The following SHROOM3 variants were observed in gnomAD, a reference collection of about 807,000 sequenced individuals.
SHROOM3 encodes the protein protein Shroom3.
SHROOM3 carries 47 observed loss-of-function variants against 138.6 expected under a neutral mutation model. That is an observed-to-expected ratio of 0.34 (90% CI 0.27 to 0.43). SHROOM3 has a LOEUF of 0.43. Among genes scored for constraint, SHROOM3 ranks in the 20% least tolerant of loss-of-function variants. The probability of loss-of-function intolerance (pLI) is 1.00; values close to 1 mark genes in which losing one functional copy is unlikely to be tolerated. For missense variants in SHROOM3, 2,491 were observed against 2,596.5 expected (o/e 0.96, Z 0.88); for synonymous variants, 1,062 against 1,063.3 (o/e 1.00, Z 0.02).
At chr4:76,479,476 A>C (rs963853539) in intron 1 of SHROOM3, among the ~76,000 whole-genome samples, 2 of 152,114 alleles carry the variant, frequency 1.3e-5, no homozygotes, top group African/African-American at 2.4e-5. Flanking sequence ...AAAATAGGGG[A>C]CTATGTGGAA....
intron 2 of SHROOM3, chr4:76,639,758 C>T (rs930138322): frequency 1.5e-5 from 6 of 394,798 alleles, no homozygotes; most frequent in East Asian, 3.6e-5. Context: ...TTCCTTCCCC[C>T]GTTAAGTAAA....
chr4:76,720,151 G>GTTT (rs59839066), intron 3 of SHROOM3, among the ~76,000 whole-genome samples: 27 of 83,000 alleles, frequency 3.3e-4, no homozygotes, highest in African/African-American at 4.0e-4. Context: ...TGTTTTTTAG[G>GTTT]TTTTTTTTTT....
rs1229595378 is a variant in SHROOM3 at position 76,770,789 on chromosome 4, T to C, written c.5513T>C (p.Ile1838Thr). The C allele has an allele frequency of 3.1e-6, 5 of 1,614,136 alleles. No individual in the cohort carries two copies. Among genetic ancestry groups the C allele is most frequent in the Non-Finnish European group, 3.4e-6 (4 of 1,180,028 alleles). Residue 1838 changes from isoleucine to threonine, a missense_variant, in exon 10 of 11, where the codon ATA (isoleucine) becomes ACA (threonine). By Grantham distance (89) the Ile-to-Thr change is moderately conservative. Transcript: ENST00000296043. Reference sequence around the variant, plus strand: ...GAGTTTGACAAGTATAGGATGTTCATAGGGGATTTGGACAAGGTGGTCAAC... The same window carrying C: ...GAGTTTGACAAGTATAGGATGTTCACAGGGGATTTGGACAAGGTGGTCAAC... ...PNEFDKYRMF[I>T]GDLDKVVNLL... is the part of the protein sequence containing the mutation.
intron 1 of SHROOM3, among the ~76,000 whole-genome samples, chr4:76,543,720 C>T (rs551952151): frequency 5.9e-5 from 9 of 152,166 alleles, no homozygotes; most frequent in South Asian, 2.1e-4. Flanking sequence ...GGAGATGACA[C>T]GTGTTTTTTC....
In SHROOM3 at chr4:76,681,933, C is replaced by G. The variant is rs72870057; in HGVS notation, c.324-28223C>G. ...ACTGAGTCAGTTCTCCGGAGTCTTGCCTGGGACCAGGGCCCACATCCTTTG... is the reference window on the plus strand; with the variant it reads ...ACTGAGTCAGTTCTCCGGAGTCTTGGCTGGGACCAGGGCCCACATCCTTTG... On this transcript the variant is annotated intron_variant, in intron 2 of 10. Transcript: ENST00000296043. 5.2e-3 allele frequency among the ~76,000 whole-genome samples: 793 copies of G among 152,188 alleles called. 3 individuals carry two copies. Among genetic ancestry groups the G allele is most frequent in the African/African-American group, 0.018 (746 of 41,518 alleles).
chr4:76,759,237 G>A (rs994319881), intron 8 of SHROOM3, among the ~76,000 whole-genome samples: 11 of 152,160 alleles, frequency 7.2e-5, no homozygotes, highest in African/African-American at 2.4e-4. Flanking sequence ...AGTCAGTGTC[G>A]TTCTTATATG....
chr4:76,566,738 C>T (rs1733732757), intron 2 of SHROOM3, among the ~76,000 whole-genome samples: 2 of 152,184 alleles, frequency 1.3e-5, no homozygotes, highest in Non-Finnish European at 2.9e-5. Flanking sequence ...AAGAGAAACA[C>T]CTGGTTCCAT....
chr4:76,554,396 TTTTTTTGTTG>T (rs1451183335), intron 1 of SHROOM3, among the ~76,000 whole-genome samples: 11 of 150,858 alleles, frequency 7.3e-5, no homozygotes, highest in Non-Finnish European at 1.5e-4. Flanking sequence ...GAACACAACT[TTTTTTTGTTG>T]TTTTTTGTTT....
chr4:76,459,043 G>C (rs868122406), intron 1 of SHROOM3, among the ~76,000 whole-genome samples: 1 of 152,030 alleles, frequency 6.6e-6, no homozygotes, highest in Non-Finnish European at 1.5e-5. Flanking sequence ...GAGCAGCTGC[G>C]GTTCATTTGG....
chr4:76,679,967 A>G (rs1285981881), intron 2 of SHROOM3, among the ~76,000 whole-genome samples: 1 of 152,150 alleles, frequency 6.6e-6, no homozygotes, highest in East Asian at 1.9e-4. Context: ...AGCACACTTC[A>G]CTTTCTTCCA....
chr4:76,587,312 G>A (rs1734176453), intron 2 of SHROOM3: 1 of 152,088 alleles, frequency 6.6e-6, no homozygotes, highest in Admixed American at 6.5e-5. Flanking sequence ...GTTTTGTTGT[G>A]ATAGGAAGGA....
intron 2 of SHROOM3, among the ~76,000 whole-genome samples, chr4:76,608,708 C>T (rs189919937): frequency 0.082 from 8,708 of 106,148 alleles, 1,221 homozygotes; most frequent in East Asian, 0.21. Context: ...CAGCACAGCA[C>T]AGCACAGCAC....
In SHROOM3 at chr4:76,443,245, T is replaced by C. The variant is rs1730734209; in HGVS notation, c.168+7025T>C. ...GGAAATAACTTTTATTCAAGTAGCA[T>C]GCTGACATGCTGTACCAAATGGGTC... On this transcript the variant is annotated intron_variant, in intron 1 of 10. Transcript: ENST00000296043. Among the ~76,000 whole-genome samples the C allele has an allele frequency of 2.0e-5, 3 of 152,380 alleles. No individual in the cohort carries two copies. In the South Asian group the frequency reaches 6.2e-4, roughly 32 times the overall value.
intron 3 of SHROOM3, 144 bp downstream of exon 3, chr4:76,710,431 G>A (rs888646357): frequency 7.3e-6 from 7 of 962,128 alleles, no homozygotes; most frequent in East Asian, 2.6e-5. Context: ...ACAAGGAGGC[G>A]AGATAGAAGC....
chr4:76,606,269 C>T (rs890827747), intron 2 of SHROOM3, among the ~76,000 whole-genome samples: 9 of 150,814 alleles, frequency 6.0e-5, no homozygotes, highest in African/African-American at 1.9e-4. Flanking sequence ...GCCTCGGCCT[C>T]CCAAAGTGCT....
intron 1 of SHROOM3, among the ~76,000 whole-genome samples, chr4:76,437,997 C>G (rs760254280): frequency 9.2e-5 from 14 of 152,242 alleles, no homozygotes; most frequent in South Asian, 2.1e-4. Flanking sequence ...CTACTATCTA[C>G]TTTAATGGGT....
At chr4:76,559,936 T>G (rs1013423860) in intron 2 of SHROOM3, among the ~76,000 whole-genome samples, 1 of 152,118 alleles carries the variant, frequency 6.6e-6, no homozygotes, top group East Asian at 1.9e-4. Flanking sequence ...GTCTGCTGCT[T>G]GATACACGAA....
intron 1 of SHROOM3, among the ~76,000 whole-genome samples, chr4:76,436,574 A>G (rs984149416): frequency 6.6e-6 from 1 of 152,244 alleles, no homozygotes; most frequent in Non-Finnish European, 1.5e-5. Context: ...GCATTCAAAA[A>G]TATCTGCTTT....
intron 2 of SHROOM3, among the ~76,000 whole-genome samples, chr4:76,672,419 C>CAAA (rs35488837): frequency 2.4e-5 from 3 of 127,276 alleles, no homozygotes; most frequent in African/African-American, 8.7e-5. Flanking sequence ...AATTAGGGAC[C>CAAA]AAAAAAAAAA....
Sources: gnomAD v4.1 joint callset for allele counts (sites outside exome capture counted in the v4.1 genomes callset) on GRCh38, gnomAD v4.1.1 for gene constraint, MANE v1.5 for transcripts, NCBI Gene and HGNC (gene_info 2026-07-23, HGNC 2026-07-21) for gene names.